The following CADM1 variants were observed in gnomAD, a reference collection of about 807,000 sequenced individuals.
CADM1 encodes the protein TSLC-1.
CADM1 carries 15 observed loss-of-function variants against 53.1 expected under a neutral mutation model. The ratio of observed to expected loss-of-function variants is 0.28; its 90% CI spans 0.19 to 0.44. The LOEUF (loss-of-function observed/expected upper bound fraction) is 0.44. Among genes scored for constraint, CADM1 ranks in the 20% least tolerant of loss-of-function variants. The pLI is 1.00. For missense variants in CADM1, 434 were observed against 611.3 expected, an observed-to-expected ratio of 0.71 and a Z score of 3.06; for synonymous variants, 281 against 243.0, an observed-to-expected ratio of 1.16 and a Z score of -1.45.
intron 1 of CADM1, among the ~76,000 whole-genome samples, chr11:115,401,897 A>T (rs575942958): frequency 2.6e-5 from 4 of 152,152 alleles, no homozygotes; most frequent in Non-Finnish European, 5.9e-5. Flanking sequence ...ATGTATGGGG[A>T]CAAGGAAATC....
rs199619178 is a variant in CADM1, at chr11:115,448,352, G to GA, written c.124+55918dup. Among the ~76,000 whole-genome samples the GA allele has an allele frequency of 2.1e-3, 323 of 151,790 alleles. 1 individual carries two copies. The highest frequency in any genetic ancestry group is 3.8e-3 in the Non-Finnish European group (260 of 67,906). On this transcript the variant is annotated intron_variant, in intron 1 of 11. Coordinates refer to ENST00000331581, the MANE Select transcript of CADM1 (RefSeq NM_001301043.2). ...ATAGTTTCTGCTATAAATCTGATTA[G>GA]AAAAAAAATGAGGGCTGCCTCAGAA... is the stretch of plus-strand genomic sequence containing the variant.
At chr11:115,234,725 T>C (rs2134878506) in intron 3 of CADM1, among the ~76,000 whole-genome samples, 1 of 151,998 alleles carries the variant, frequency 6.6e-6, no homozygotes, top group East Asian at 1.9e-4. Context: ...AAACCCTGTC[T>C]CTACCAAAAA....
chr11:115,392,280 C>T (rs1946855263), intron 1 of CADM1, among the ~76,000 whole-genome samples: 1 of 151,992 alleles, frequency 6.6e-6, no homozygotes, highest in South Asian at 2.1e-4. Context: ...ACTCCAGTGC[C>T]TGGCACGTAA....
chr11:115,488,576 GAACA>G (rs1471653716), intron 1 of CADM1, among the ~76,000 whole-genome samples: 1 of 152,140 alleles, frequency 6.6e-6, no homozygotes, highest in Non-Finnish European at 1.5e-5. Context: ...TCACAGGAAA[GAACA>G]AACTCCAAAC....
At chr11:115,249,687 C>A (rs1433323677) in intron 1 of CADM1, among the ~76,000 whole-genome samples, 1 of 152,134 alleles carries the variant, frequency 6.6e-6, no homozygotes, top group African/African-American at 2.4e-5. Context: ...ATCTTAGTAG[C>A]CAAACTACTT....
chr11:115,302,119 T>TA (rs1944240715), intron 1 of CADM1, among the ~76,000 whole-genome samples: 1 of 151,496 alleles, frequency 6.6e-6, no homozygotes, highest in Non-Finnish European at 1.5e-5. Context: ...CACGGACACA[T>TA]AGAGGGGAAC....
chr11:115,296,100 G>C (rs1944071645), intron 1 of CADM1, among the ~76,000 whole-genome samples: 1 of 152,098 alleles, frequency 6.6e-6, no homozygotes, highest in South Asian at 2.1e-4. Context: ...ACAGGTGAGT[G>C]CACCCATGCC....
chr11:115,383,091 C>T (rs933362972), intron 1 of CADM1, among the ~76,000 whole-genome samples: 1 of 152,140 alleles, frequency 6.6e-6, no homozygotes, highest in Non-Finnish European at 1.5e-5. Flanking sequence ...ACTTTTGCTT[C>T]TTTAATCTAT....
chr11:115,337,159 T>C (rs1278089526), intron 1 of CADM1, among the ~76,000 whole-genome samples: 2 of 152,176 alleles, frequency 1.3e-5, no homozygotes, highest in Non-Finnish European at 2.9e-5. Context: ...AATTCCCGGC[T>C]CTTTCAGGGT....
intron 1 of CADM1, among the ~76,000 whole-genome samples, chr11:115,393,856 A>G (rs2135190760): frequency 6.6e-6 from 1 of 152,310 alleles, no homozygotes. Flanking sequence ...CTGATAATAA[A>G]TGGACTTTTC....
At chr11:115,271,712 G>C (rs1037717000) in intron 1 of CADM1, among the ~76,000 whole-genome samples, 2 of 152,206 alleles carry the variant, frequency 1.3e-5, no homozygotes, top group Non-Finnish European at 2.9e-5. Context: ...ATTCTCAAGA[G>C]AGACTTTATA....
chr11:115,249,604 A>G (rs966103739), intron 1 of CADM1, among the ~76,000 whole-genome samples: 3 of 152,250 alleles, frequency 2.0e-5, no homozygotes, highest in Admixed American at 2.0e-4. Flanking sequence ...CCACAAAGGA[A>G]GATACAAATA....
intron 1 of CADM1, among the ~76,000 whole-genome samples, chr11:115,423,535 T>G (rs1947813807): frequency 6.6e-6 from 1 of 152,174 alleles, no homozygotes. Flanking sequence ...GCAACAATTT[T>G]AAAAATACAC....
chr11:115,403,625 C>A (rs1295609538), intron 1 of CADM1, among the ~76,000 whole-genome samples: 2 of 151,908 alleles, frequency 1.3e-5, no homozygotes, highest in Non-Finnish European at 2.9e-5. Context: ...GAGACGGAGT[C>A]TCCCTCTGTC....
At position 115,259,290 on chromosome 11, in the gene CADM1, C is replaced by CTTTTTT. The variant is rs71066411; in HGVS notation, c.125-18876_125-18871dup. Among the ~76,000 whole-genome samples, 36 of 55,088 alleles carry CTTTTTT rather than the reference C, an allele frequency of 6.5e-4. 3 individuals carry two copies. The highest frequency in any genetic ancestry group is 7.7e-4 in the Non-Finnish European group (24 of 31,324). The allele number at this position is 55,088 out of a possible 152,430, so 36.1% of individuals were successfully genotyped here. ...CGTGCGCCACCGCACCCAGTCTTAA[C>CTTTTTT]TTTTTTTTTTTTTTTTTTTTTTTTT... On this transcript the variant is annotated intron_variant, in intron 1 of 11. Transcript: ENST00000331581.
intron 1 of CADM1, among the ~76,000 whole-genome samples, chr11:115,481,220 G>A (rs1949251150): frequency 6.6e-6 from 1 of 152,086 alleles, no homozygotes; most frequent in South Asian, 2.1e-4. Context: ...ATTGCCATCT[G>A]GTTCCCACAC....
chr11:115,295,202 A>G (rs914322512), intron 1 of CADM1, among the ~76,000 whole-genome samples: 8 of 152,052 alleles, frequency 5.3e-5, no homozygotes, highest in Admixed American at 2.0e-4. Context: ...CATGTTGACA[A>G]TAGAGTCCTG....
chr11:115,175,340 G>A lies in CADM1; in HGVS notation c.*1134C>T. The A allele has an allele frequency of 1.0e-6, 1 of 980,498 alleles. No homozygotes were observed. Among genetic ancestry groups the A allele is most frequent in the Non-Finnish European group, 1.2e-6 (1 of 827,350 alleles). 60.7% of individuals were successfully genotyped at this position (980,498 alleles called of 1,614,324 possible). A position where few individuals can be genotyped will look rare whatever the true frequency, so the allele number is the denominator to read the frequency against. On this transcript the variant is annotated 3_prime_UTR_variant, in exon 12 of 12. Transcript: ENST00000331581. ...TATCTGTAATATACAGTACATGCAG[G>A]CCACATCCTACTGCCTTCCTAACTA...
chr11:115,176,172 A>C lies in CADM1; in HGVS notation c.*302T>G. On this transcript the variant is annotated 3_prime_UTR_variant, in exon 12 of 12. Transcript: ENST00000331581. Reference sequence around the variant, plus strand: ...AAAGGAACGCAACAAACAAACAAAAAACAAGGCACAGAATTTTCTGCAATC... The same window carrying C: ...AAAGGAACGCAACAAACAAACAAAACACAAGGCACAGAATTTTCTGCAATC... 1 of 1,188,302 alleles carries C rather than the reference A, an allele frequency of 8.4e-7. No homozygotes were observed. The highest frequency in any genetic ancestry group is 1.7e-5 in the South Asian group (1 of 58,596). The allele number at this position is 1,188,302 out of a possible 1,614,324, so 73.6% of individuals were successfully genotyped here.
Sources: allele counts gnomAD v4.1 joint callset (sites outside exome capture counted in the v4.1 genomes callset), GRCh38; gene constraint gnomAD v4.1.1; transcripts MANE v1.5; gene names NCBI Gene and HGNC (gene_info 2026-07-23, HGNC 2026-07-21).